Variants in YTHDC2 observed in about 807,000 individuals in gnomAD.
YTHDC2 encodes YTH N6-methyladenosine RNA binding protein C2, also known as 3'-5' RNA helicase YTHDC2.
YTHDC2 carries 45 observed loss-of-function variants against 174.9 expected under a neutral mutation model. The observed-to-expected ratio is 0.26, with a 90% CI of 0.20 to 0.33. YTHDC2 has a LOEUF of 0.33. Among genes scored for constraint, YTHDC2 ranks in the 10% least tolerant of loss-of-function variants. The probability of loss-of-function intolerance (pLI) is 1.00; values close to 1 mark genes in which losing one functional copy is unlikely to be tolerated. For synonymous variants in YTHDC2, 657 were observed against 574.5 expected, an observed-to-expected ratio of 1.14 and a Z score of -2.05; for missense variants, 1,650 against 1,723.7, an observed-to-expected ratio of 0.96 and a Z score of 0.76.
chr5:113,553,831 C>T lies in YTHDC2; in HGVS notation c.2029C>T (p.Pro677Ser). ...TSDQKKVLKN[P>S]PAGVRKIILS... ...CGATCAAAAGAAAGTATTAAAAAAC[C>T]CACCTGCAGGTGTTCGAAAAATAGT... The change falls in exon 15 of 30, where the codon CCA becomes TCA. Residue 677 changes from proline to serine, a missense_variant. Physicochemically the swap from Pro to Ser is moderately conservative, Grantham distance 74. Coordinates refer to ENST00000161863, the MANE Select transcript of YTHDC2 (RefSeq NM_022828.5). 1 of 1,611,768 alleles carries T rather than the reference C, an allele frequency of 6.2e-7. No homozygotes were observed. The highest frequency in any genetic ancestry group is 1.3e-5 in the African/African-American group (1 of 74,798).
intron 2 of YTHDC2, among the ~76,000 whole-genome samples, chr5:113,524,507 T>C (rs1365505327): frequency 6.6e-6 from 1 of 152,124 alleles, no homozygotes; most frequent in Non-Finnish European, 1.5e-5. Context: ...GAAACTTGGC[T>C]CTCTTAACAG....
At chr5:113,550,815 A>G (rs1776206768) in intron 12 of YTHDC2, among the ~76,000 whole-genome samples, 1 of 152,124 alleles carries the variant, frequency 6.6e-6, no homozygotes, top group South Asian at 2.1e-4. Context: ...AATCCTGTAA[A>G]ACCAATCGAA....
rs1298902726 is a variant in YTHDC2, at chr5:113,563,250, G to C, written c.2323-123G>C. 5.1e-6 allele frequency: 4 copies of C among 789,760 alleles called. No homozygotes were observed. The Admixed American group carries it at 1.3e-4, about 25-fold the overall frequency. The allele number at this position is 789,760 out of a possible 1,614,324, so 48.9% of individuals were successfully genotyped here. On this transcript the variant is annotated intron_variant, in intron 18 of 29. Transcript: ENST00000161863. ...ACAGAAAGACATTGTTCCTTCTACT[G>C]TTCATTCTAATCAGAGACTCTACTA...
At chr5:113,584,554 A>T in intron 26 of YTHDC2, 75 bp downstream of exon 26, 1 of 1,253,728 alleles carries the variant, frequency 8.0e-7, no homozygotes, top group Non-Finnish European at 1.1e-6. Context: ...TAAAATTGTA[A>T]AACAATTAGA....
intron 4 of YTHDC2, among the ~76,000 whole-genome samples, chr5:113,529,735 A>C (rs1224566936): frequency 1.3e-5 from 2 of 152,048 alleles, no homozygotes; most frequent in African/African-American, 4.8e-5. Flanking sequence ...TATATATTAT[A>C]GATGCATGTC....
At chr5:113,527,400 TAGTA>T (rs1234605978) in intron 4 of YTHDC2, among the ~76,000 whole-genome samples, 1 of 152,224 alleles carries the variant, frequency 6.6e-6, no homozygotes, top group African/African-American at 2.4e-5. Context: ...AGATTGGAAG[TAGTA>T]AGTATGACAT....
chr5:113,525,636 A>T (rs1774164727), intron 3 of YTHDC2, among the ~76,000 whole-genome samples: 1 of 152,120 alleles, frequency 6.6e-6, no homozygotes, highest in South Asian at 2.1e-4. Flanking sequence ...TAACACACTA[A>T]TAAGTGAGAT....
At chr5:113,560,524 A>G (rs1776890844) in intron 17 of YTHDC2, among the ~76,000 whole-genome samples, 1 of 152,184 alleles carries the variant, frequency 6.6e-6, no homozygotes, top group Non-Finnish European at 1.5e-5. Flanking sequence ...GAATATTTCT[A>G]TATCTCTATC....
intron 3 of YTHDC2, 104 bp from the exon 4 acceptor site, chr5:113,526,482 C>G: frequency 1.2e-6 from 1 of 829,638 alleles, no homozygotes; most frequent in South Asian, 2.4e-5. Context: ...GAAATTATGT[C>G]TTTTGGCATG....
At chr5:113,567,980 C>G (rs1369520385) in intron 23 of YTHDC2, 131 bp downstream of exon 23, 2 of 610,338 alleles carry the variant, frequency 3.3e-6, no homozygotes, top group African/African-American at 1.9e-5. Context: ...TTTTGATGTA[C>G]TAAGACTAAT....
chr5:113,580,959 C>T (rs918282819), intron 24 of YTHDC2, among the ~76,000 whole-genome samples: 1 of 152,160 alleles, frequency 6.6e-6, no homozygotes, highest in Non-Finnish European at 1.5e-5. Flanking sequence ...TCCCTCTATA[C>T]ATTCCCTGGG....
At chr5:113,540,650 G>T (rs1347534409) in intron 8 of YTHDC2, among the ~76,000 whole-genome samples, 1 of 152,032 alleles carries the variant, frequency 6.6e-6, no homozygotes, top group Non-Finnish European at 1.5e-5. Context: ...AGAACAGCAT[G>T]GGGGAAACTG....
At chr5:113,591,798 C>G (rs578104015) in intron 27 of YTHDC2, among the ~76,000 whole-genome samples, 198 bp from the exon 28 acceptor site, 1 of 152,082 alleles carries the variant, frequency 6.6e-6, no homozygotes, top group Admixed American at 6.6e-5. Flanking sequence ...GAGGCTAGAA[C>G]TGTTTTTTTC....
At chr5:113,552,439 A>G (rs557921774) in intron 12 of YTHDC2, among the ~76,000 whole-genome samples, 1 of 152,234 alleles carries the variant, frequency 6.6e-6, no homozygotes, top group South Asian at 2.1e-4. Context: ...AAATGAAATC[A>G]TGTGATATGT....
Position 113,542,396 on chromosome 5 carries a change from C to A in YTHDC2, c.1388C>A (p.Pro463Gln). The stretch of plus-strand genomic sequence containing the variant: ...GAAAAAGATGTGAATTGCCTTGAAC[C>A]ATGGTTAATAAAGGAAATGGATGCT... The part of the protein sequence containing the change: ...LTEKDVNCLE[P>Q]WLIKEMDACL... Residue 463 changes from proline (P) to glutamine (Q), a missense_variant, in exon 10 of 30, where the codon CCA becomes CAA. By Grantham distance (76) the Pro-to-Gln change is moderately conservative. This residue lies in a region of YTHDC2 where 411 missense variants were observed against 380.6 expected (regional missense o/e 1.08). Coordinates refer to ENST00000161863, the MANE Select transcript of YTHDC2 (RefSeq NM_022828.5). The A allele has an allele frequency of 6.2e-7, 1 of 1,611,316 alleles. No homozygotes were observed. Among genetic ancestry groups the A allele is most frequent in the Non-Finnish European group, 8.5e-7 (1 of 1,179,124 alleles).
chr5:113,549,229 A>G (rs112597090), intron 12 of YTHDC2, among the ~76,000 whole-genome samples: 2 of 152,298 alleles, frequency 1.3e-5, no homozygotes, highest in African/African-American at 2.4e-5. Context: ...CCAATTAAAC[A>G]TGGTAGGTAC....
intron 10 of YTHDC2, among the ~76,000 whole-genome samples, chr5:113,548,091 A>C: frequency 6.6e-6 from 1 of 152,206 alleles, no homozygotes; most frequent in Non-Finnish European, 1.5e-5. Flanking sequence ...ATAACAACCA[A>C]ACATTGTCTC....
At chr5:113,556,865 T>C (rs1342673727) in intron 17 of YTHDC2, among the ~76,000 whole-genome samples, 1 of 152,196 alleles carries the variant, frequency 6.6e-6, no homozygotes, top group African/African-American at 2.4e-5. Flanking sequence ...TTTATAATAA[T>C]GTAAAGTCTG....
intron 23 of YTHDC2, among the ~76,000 whole-genome samples, chr5:113,577,657 A>G (rs1209784293): frequency 6.6e-6 from 1 of 152,196 alleles, no homozygotes; most frequent in Admixed American, 6.5e-5. Flanking sequence ...GGCGTGAGCC[A>G]CCGCACCTGG....
Sources: gnomAD v4.1 joint callset for allele counts (sites outside exome capture counted in the v4.1 genomes callset) on GRCh38, gnomAD v4.1.1 for gene constraint, gnomAD v4.1.1 regional missense constraint, MANE v1.5 for transcripts, NCBI Gene and HGNC (gene_info 2026-07-23, HGNC 2026-07-21) for gene names.